DLG1: variants seen among roughly 807,000 people sequenced by gnomAD.
DLG1 encodes the protein discs large MAGUK scaffold protein 1, also known as disks large homolog 1.
A neutral mutation model predicts 123.4 loss-of-function variants in DLG1; 42 were observed. The ratio of observed to expected loss-of-function variants is 0.34; its 90% confidence interval spans 0.27 to 0.44. The LOEUF (loss-of-function observed/expected upper bound fraction) is 0.44. Ranked by LOEUF, DLG1 falls within the 20% of genes least tolerant of loss-of-function variation. DLG1 has a pLI of 1.00. For synonymous variants in DLG1, 317 were observed against 356.2 expected (o/e 0.89, Z 1.24); for missense variants, 942 against 1,082.6 (o/e 0.87, Z 1.82).
chr3:197,292,167 C>T (rs1383355391), intron 3 of DLG1, among the ~76,000 whole-genome samples: 1 of 152,168 alleles, frequency 6.6e-6, no homozygotes, highest in East Asian at 1.9e-4. Context: ...TATTTGCACA[C>T]TCACATTCCT....
intron 24 of DLG1, among the ~76,000 whole-genome samples, chr3:197,045,897 A>T: frequency 6.6e-6 from 1 of 152,218 alleles, no homozygotes; most frequent in East Asian, 1.9e-4. Flanking sequence ...ATAAAATGTC[A>T]AAGGGGGATT....
chr3:197,270,515 A>T (rs1763468128), intron 4 of DLG1, among the ~76,000 whole-genome samples: 1 of 152,208 alleles, frequency 6.6e-6, no homozygotes, highest in African/African-American at 2.4e-5. Context: ...GAAGAAAAAG[A>T]GTGTTATAGA....
At chr3:197,248,923 AG>A (rs1753070622) in intron 4 of DLG1, among the ~76,000 whole-genome samples, 2 of 152,202 alleles carry the variant, frequency 1.3e-5, no homozygotes, top group East Asian at 3.8e-4. Context: ...TCAAGACAAG[AG>A]TGAGGTATGA....
At chr3:197,137,882 G>A (rs1178878617) in intron 9 of DLG1, among the ~76,000 whole-genome samples, 2 of 151,820 alleles carry the variant, frequency 1.3e-5, no homozygotes, top group Non-Finnish European at 2.9e-5. Context: ...TGAGGTGGGA[G>A]GATCGCTTGA....
At chr3:197,185,261 C>T (rs766696034) in intron 5 of DLG1, among the ~76,000 whole-genome samples, 2 of 152,202 alleles carry the variant, frequency 1.3e-5, no homozygotes, top group African/African-American at 4.8e-5. Context: ...CCAGCACCAA[C>T]TGGATGCAGC....
At chr3:197,108,610 A>G (rs1767965056) in intron 13 of DLG1, among the ~76,000 whole-genome samples, 1 of 152,172 alleles carries the variant, frequency 6.6e-6, no homozygotes, top group Non-Finnish European at 1.5e-5. Flanking sequence ...TATACTATAA[A>G]TGTCTTTCGC....
At chr3:197,231,527 C>G (rs977908360) in intron 4 of DLG1, among the ~76,000 whole-genome samples, 10 of 151,872 alleles carry the variant, frequency 6.6e-5, no homozygotes, top group Non-Finnish European at 1.0e-4. Flanking sequence ...AGAGCGAAAC[C>G]CTGTCTCTAC....
At position 197,050,435 on chromosome 3, in the gene DLG1, T is replaced by C. The variant is rs554928778; in HGVS notation, c.2575+1142A>G. Among the ~76,000 whole-genome samples the C allele has an allele frequency of 2.0e-5, 3 of 148,364 alleles. No individual in the cohort carries two copies. The South Asian group carries it at 6.3e-4, about 31-fold the overall frequency. On this transcript the variant is annotated intron_variant, in intron 24 of 24. Coordinates refer to ENST00000667157, the MANE Select transcript of DLG1 (RefSeq NM_001366207.1). ...ACAAACAACAACAAATATATATATA[T>C]ATGTATGTATGTATGCATGCATATG...
chr3:197,129,112 G>GCACT (rs1371906277), intron 11 of DLG1, among the ~76,000 whole-genome samples: 1 of 152,198 alleles, frequency 6.6e-6, no homozygotes, highest in African/African-American at 2.4e-5. Flanking sequence ...TTGAAGTCAG[G>GCACT]CACTGACTTA....
chr3:197,275,496 G>GTGTC (rs1467288916), intron 4 of DLG1, among the ~76,000 whole-genome samples: 1 of 152,196 alleles, frequency 6.6e-6, no homozygotes, highest in East Asian at 1.9e-4. Flanking sequence ...ATTAGCCTAA[G>GTGTC]TGTCCCTCAA....
At position 197,075,784 on chromosome 3, in the gene DLG1, T is replaced by C. The variant is rs370606203; in HGVS notation, c.2005+802A>G. ...AATCTCAAAATGTATCTGAATAAGG[T>C]AGGTCTGCAGATGGAGGTTAAAAAA... On this transcript the variant is annotated intron_variant, in intron 18 of 24. Coordinates refer to ENST00000667157, the MANE Select transcript of DLG1 (RefSeq NM_001366207.1). 2.7e-6 allele frequency: 4 copies of C among 1,490,098 alleles called. No homozygotes were observed. In the African/African-American group the frequency reaches 5.5e-5, roughly 21 times the overall value. The allele number at this position is 1,490,098 out of a possible 1,614,324, so 92.3% of individuals were successfully genotyped here.
At chr3:197,047,359 G>A in intron 24 of DLG1, among the ~76,000 whole-genome samples, 1 of 152,220 alleles carries the variant, frequency 6.6e-6, no homozygotes, top group Admixed American at 6.5e-5. Context: ...AAGGGTACAT[G>A]AAACTCCCTG....
intron 14 of DLG1, among the ~76,000 whole-genome samples, chr3:197,095,890 C>T (rs1365091665): frequency 6.6e-6 from 1 of 152,124 alleles, no homozygotes; most frequent in African/African-American, 2.4e-5. Context: ...GATTCTGGGT[C>T]CATTTGACAT....
chr3:197,162,816 T>C (rs1799331925), intron 5 of DLG1, among the ~76,000 whole-genome samples: 2 of 152,186 alleles, frequency 1.3e-5, no homozygotes, highest in Non-Finnish European at 2.9e-5. Flanking sequence ...TAATGGAACC[T>C]TAGAAATCAT....
intron 24 of DLG1, among the ~76,000 whole-genome samples, chr3:197,051,366 T>C (rs1027629056): frequency 2.0e-5 from 3 of 152,122 alleles, no homozygotes; most frequent in African/African-American, 7.2e-5. Context: ...GAGGTTGCGG[T>C]GAGCCGAGTC....
At chr3:197,100,063 G>A (rs1346522612) in intron 14 of DLG1, among the ~76,000 whole-genome samples, 1 of 152,160 alleles carries the variant, frequency 6.6e-6, no homozygotes, top group East Asian at 1.9e-4. Context: ...TTGTTCAAGG[G>A]TCAACTGCAG....
At chr3:197,086,399 C>T in intron 15 of DLG1, among the ~76,000 whole-genome samples, 1 of 152,306 alleles carries the variant, frequency 6.6e-6, no homozygotes, top group Non-Finnish European at 1.5e-5. Context: ...TGTGCTACCA[C>T]TTGATTAATT....
At chr3:197,045,498 T>C (rs2148637291) in intron 24 of DLG1, among the ~76,000 whole-genome samples, 1 of 152,038 alleles carries the variant, frequency 6.6e-6, no homozygotes, top group South Asian at 2.1e-4. Flanking sequence ...CCTAGCACTT[T>C]GGGAGGCTGA....
intron 13 of DLG1, among the ~76,000 whole-genome samples, chr3:197,110,817 G>A (rs544940329): frequency 2.7e-4 from 41 of 152,256 alleles, no homozygotes; most frequent in Admixed American, 1.3e-3. Context: ...TCTTTTCCAA[G>A]GGCTATATGT....
Sources: allele counts gnomAD v4.1 joint callset (sites outside exome capture counted in the v4.1 genomes callset), GRCh38; gene constraint gnomAD v4.1.1; transcripts MANE v1.5; gene names NCBI Gene and HGNC (gene_info 2026-07-23, HGNC 2026-07-21).